The following PGM5 variants were observed in gnomAD, a reference collection of about 807,000 sequenced individuals.
PGM5 encodes phosphoglucomutase-like protein 5.
In PGM5, 23 loss-of-function variants were observed where a neutral mutation model predicts 59.2. The ratio of observed to expected loss-of-function variants is 0.39; its 90% CI spans 0.28 to 0.55. The LOEUF is 0.55. Among genes scored for constraint, PGM5 ranks in the 20% least tolerant of loss-of-function variants. The pLI is 0.66. For synonymous variants in PGM5, 214 were observed against 286.0 expected, an observed-to-expected ratio of 0.75 and a Z score of 2.54; for missense variants, 574 against 748.3, an observed-to-expected ratio of 0.77 and a Z score of 2.72.
At chr9:68,379,906 C>A (rs1384877246) in intron 2 of PGM5, among the ~76,000 whole-genome samples, 10 of 151,810 alleles carry the variant, frequency 6.6e-5, no homozygotes, top group Non-Finnish European at 1.5e-4. Flanking sequence ...GAGGACATAA[C>A]AATTGTAAAC....
At chr9:68,526,395 C>G (rs528820989) in intron 10 of PGM5, among the ~76,000 whole-genome samples, 144 of 152,332 alleles carry the variant, frequency 9.5e-4, no homozygotes, top group African/African-American at 3.3e-3. Context: ...GCATAAGCAC[C>G]ACGGAAGCCC....
chr9:68,465,846 G>A (rs1339656037), intron 7 of PGM5, among the ~76,000 whole-genome samples: 1 of 152,002 alleles, frequency 6.6e-6, no homozygotes, highest in East Asian at 1.9e-4. Flanking sequence ...TCCTGCCTTT[G>A]GCTGACTTCA....
intron 6 of PGM5, among the ~76,000 whole-genome samples, chr9:68,446,640 T>A (rs1823616225): frequency 6.6e-6 from 1 of 152,200 alleles, no homozygotes. Context: ...AAGGATGAAG[T>A]CTACAGGTTT....
chr9:68,508,110 G>A (rs1554689121), intron 10 of PGM5, among the ~76,000 whole-genome samples: 1 of 152,122 alleles, frequency 6.6e-6, no homozygotes, highest in African/African-American at 2.4e-5. Context: ...AGGACTTGTG[G>A]GAAACTATGG....
intron 7 of PGM5, among the ~76,000 whole-genome samples, chr9:68,470,699 A>G (rs997646390): frequency 6.6e-6 from 1 of 152,206 alleles, no homozygotes; most frequent in Non-Finnish European, 1.5e-5. Flanking sequence ...TGCATTTCAG[A>G]TTACTGAGGT....
At chr9:68,481,148 T>G (rs1554687106) in intron 8 of PGM5, among the ~76,000 whole-genome samples, 1 of 152,232 alleles carries the variant, frequency 6.6e-6, no homozygotes, top group African/African-American at 2.4e-5. Flanking sequence ...ACTTTCCTCA[T>G]AAGGTGATTA....
At chr9:68,487,634 G>A (rs1172708698) in intron 9 of PGM5, among the ~76,000 whole-genome samples, 24 of 152,206 alleles carry the variant, frequency 1.6e-4, no homozygotes, top group Admixed American at 1.3e-3. Flanking sequence ...TCCCAAGGTA[G>A]TGGGAGATTC....
At chr9:68,475,278 C>T (rs1243293941) in intron 7 of PGM5, among the ~76,000 whole-genome samples, 1 of 150,100 alleles carries the variant, frequency 6.7e-6, no homozygotes, top group African/African-American at 2.5e-5. Context: ...CAGGTGATTC[C>T]CCCACCTTGG....
At chr9:68,399,520 A>G (rs1822610674) in intron 6 of PGM5, among the ~76,000 whole-genome samples, 1 of 151,752 alleles carries the variant, frequency 6.6e-6, no homozygotes, top group African/African-American at 2.4e-5. Flanking sequence ...GTAACATACC[A>G]TTGCAATTTT....
intron 7 of PGM5, among the ~76,000 whole-genome samples, chr9:68,474,632 G>A (rs959755234): frequency 2.6e-5 from 4 of 151,756 alleles, no homozygotes; most frequent in Admixed American, 6.6e-5. Context: ...AGAGCTGAGC[G>A]CCCTCCTTCT....
At chr9:68,372,296 T>A (rs1280472526) in intron 1 of PGM5, among the ~76,000 whole-genome samples, 1 of 150,522 alleles carries the variant, frequency 6.6e-6, no homozygotes, top group East Asian at 2.0e-4. Flanking sequence ...TTCCAGCTTC[T>A]GGCAGCAGAA....
Position 68,387,527 on chromosome 9 carries a change from C to A in PGM5, c.636C>A (p.Ala212=). 1.9e-6 allele frequency: 3 copies of A among 1,611,908 alleles called. No individual in the cohort carries two copies. The highest frequency in any genetic ancestry group is 2.5e-6 in the Non-Finnish European group (3 of 1,178,382). Residue 212 remains alanine (A), a synonymous_variant, in exon 4 of 11, where the codon GCC becomes GCA. Transcript: ENST00000396396. ...TTCGGACCATCTTTGACTTTCATGC[C>A]ATCAAGGGTTTGCTGACTGGACCCA... is the stretch of plus-strand genomic sequence containing the variant. ...NLLRTIFDFH[A]IKGLLTGPSQ...
chr9:68,359,403 G>A (rs1234612343), intron 1 of PGM5, among the ~76,000 whole-genome samples: 1 of 152,064 alleles, frequency 6.6e-6, no homozygotes, highest in African/African-American at 2.4e-5. Context: ...GGTGGGCATG[G>A]GTGAAGGGAA....
At chr9:68,508,807 G>T (rs985196764) in intron 10 of PGM5, among the ~76,000 whole-genome samples, 1 of 152,202 alleles carries the variant, frequency 6.6e-6, no homozygotes, top group Non-Finnish European at 1.5e-5. Context: ...CCACATTTCC[G>T]TGCCTTTCAG....
At chr9:68,482,779 G>A (rs1394014116) in intron 8 of PGM5, among the ~76,000 whole-genome samples, 4 of 152,204 alleles carry the variant, frequency 2.6e-5, no homozygotes, top group South Asian at 2.1e-4. Flanking sequence ...TATTTATGGT[G>A]GTGATGGCAA....
chr9:68,488,762 G>A (rs985921254), intron 9 of PGM5, among the ~76,000 whole-genome samples: 9 of 152,166 alleles, frequency 5.9e-5, no homozygotes, highest in African/African-American at 1.9e-4. Context: ...AACAACTGCA[G>A]TTCTTCCTTC....
At chr9:68,413,852 G>T (rs1306535493) in intron 6 of PGM5, among the ~76,000 whole-genome samples, 1 of 152,152 alleles carries the variant, frequency 6.6e-6, no homozygotes, top group East Asian at 1.9e-4. Context: ...CTGGTGTAGG[G>T]TAGATCAATC....
intron 6 of PGM5, chr9:68,398,673 C>G (rs540888547): frequency 1.3e-5 from 2 of 152,184 alleles, no homozygotes; most frequent in African/African-American, 4.8e-5. Context: ...AGAGGGCAGC[C>G]TATGGAGTTC....
At chr9:68,520,934 C>T (rs1161004145) in intron 10 of PGM5, among the ~76,000 whole-genome samples, 1 of 152,070 alleles carries the variant, frequency 6.6e-6, no homozygotes, top group Non-Finnish European at 1.5e-5. Context: ...TTTAATAATC[C>T]TTAAAAAGGT....
Sources: allele counts gnomAD v4.1 joint callset (sites outside exome capture counted in the v4.1 genomes callset), GRCh38; gene constraint gnomAD v4.1.1; transcripts MANE v1.5; gene names NCBI Gene and HGNC (gene_info 2026-07-23, HGNC 2026-07-21).